BAAT: variants seen among roughly 807,000 people sequenced by gnomAD.
The protein encoded by BAAT is bile acid CoA: amino acid N-acyltransferase (glycine N-choloyltransferase).
In BAAT, 13 loss-of-function variants were observed where a neutral mutation model predicts 18.9. The ratio of observed to expected loss-of-function variants is 0.69; its 90% CI spans 0.45 to 1.10. The LOEUF (loss-of-function observed/expected upper bound fraction) is 1.10, where lower values mean the gene tolerates loss of function less well. Ranked by LOEUF, BAAT falls within the 50% of genes least tolerant of loss-of-function variation. The pLI, the probability that BAAT is intolerant of heterozygous loss-of-function variation, is 0.00. For synonymous variants in BAAT, 170 were observed against 190.7 expected (o/e 0.89, Z 0.89); for missense variants, 489 against 504.0 (o/e 0.97, Z 0.28).
At chr9:101,374,325 T>TA (rs1196092997) in intron 1 of BAAT, among the ~76,000 whole-genome samples, 2 of 152,170 alleles carry the variant, frequency 1.3e-5, no homozygotes, top group Non-Finnish European at 2.9e-5. Context: ...ATTAACTTTG[T>TA]AAATATGCAT....
At chr9:101,367,050 T>G in intron 3 of BAAT, among the ~76,000 whole-genome samples, 1 of 145,856 alleles carries the variant, frequency 6.9e-6, no homozygotes, top group East Asian at 2.0e-4. Context: ...AGGTGGAGGT[T>G]GCAGTGAGCT....
chr9:101,363,687 A>G (rs868393790), intron 3 of BAAT, among the ~76,000 whole-genome samples: 2 of 152,048 alleles, frequency 1.3e-5, no homozygotes, highest in African/African-American at 4.8e-5. Flanking sequence ...CATAAATTCT[A>G]TGATATGAGA....
chr9:101,368,169 T>G lies in BAAT; in HGVS notation c.620A>C (p.Asp207Ala), dbSNP rs768791988. ...EDLPRKPEVT[D>A]LEYFEEAANF... ...GGCAGCCTCCTCAAAATATTCCAAATCTGTTACTTCTGGTTTGCGGGGCAG... is the reference window on the plus strand; with the variant it reads ...GGCAGCCTCCTCAAAATATTCCAAAGCTGTTACTTCTGGTTTGCGGGGCAG... Residue 207 changes from aspartate to alanine, a missense_variant, in exon 3 of 4, where the codon GAT becomes GCT. By Grantham distance (126) the Asp-to-Ala change is moderately radical. Transcript: ENST00000259407. 1 of 1,614,174 alleles carries G rather than the reference T, an allele frequency of 6.2e-7. No individual in the cohort carries two copies. The highest frequency in any genetic ancestry group is 1.1e-5 in the South Asian group (1 of 91,088).
chr9:101,361,912 T>C lies in BAAT; in HGVS notation c.*516A>G, dbSNP rs1432348315. On this transcript the variant is annotated 3_prime_UTR_variant, in exon 4 of 4. Transcript: ENST00000259407. ...GCAATGAACTAACTGACCTCCTCCA[T>C]TCCTTCTTTCCTTTTTGACATGAAT... The C allele has an allele frequency of 5.9e-6, 1 of 169,550 alleles. No homozygotes were observed. Among genetic ancestry groups the C allele is most frequent in the East Asian group, 1.7e-4 (1 of 5,974 alleles). The allele number at this position is 169,550 out of a possible 1,614,324, so 10.5% of individuals were successfully genotyped here. A position where few individuals can be genotyped will look rare whatever the true frequency, so the allele number is the denominator to read the frequency against.
intron 1 of BAAT, among the ~76,000 whole-genome samples, chr9:101,373,310 G>T (rs1282988671): frequency 6.6e-6 from 1 of 152,108 alleles, no homozygotes; most frequent in East Asian, 1.9e-4. Flanking sequence ...CATGTCTTTT[G>T]CAGGAACAGG....
At chr9:101,369,434 ATGAAATATT>A (rs1191676559) in intron 2 of BAAT, among the ~76,000 whole-genome samples, 1 of 152,232 alleles carries the variant, frequency 6.6e-6, no homozygotes, top group African/African-American at 2.4e-5. Context: ...TGTTACAGTC[ATGAAATATT>A]TGTGATCTGA....
intron 2 of BAAT, among the ~76,000 whole-genome samples, chr9:101,370,239 A>C (rs1476598830): frequency 6.6e-6 from 1 of 151,780 alleles, no homozygotes; most frequent in African/African-American, 2.4e-5. Flanking sequence ...GTCAGATCAT[A>C]GAAAGTTTTG....
Position 101,362,601 on chromosome 9 carries a change from G to A in BAAT, c.1084C>T (p.His362Tyr). The A allele has an allele frequency of 6.2e-7, 1 of 1,614,130 alleles. No homozygotes were observed. The highest frequency in any genetic ancestry group is 8.5e-7 in the Non-Finnish European group (1 of 1,180,028). Residue 362 changes from histidine (H) to tyrosine (Y), a missense_variant, in exon 4 of 4, where the codon CAC becomes TAC. Physicochemically the swap from His to Tyr is moderately conservative, Grantham distance 83. Coordinates refer to ENST00000259407, the MANE Select transcript of BAAT (RefSeq NM_001701.4). ...WTLLSYPGAGHLIEPPYSPLC... is the reference protein window; with the variant it reads ...WTLLSYPGAGYLIEPPYSPLC... Reference sequence around the variant, plus strand: ...GGAGAATAGGGAGGTTCTATCAGGTGGCCTGCCCCAGGGTAAGATAGCAGG... The same window carrying A: ...GGAGAATAGGGAGGTTCTATCAGGTAGCCTGCCCCAGGGTAAGATAGCAGG...
chr9:101,384,971 G>A lies in BAAT; in HGVS notation c.-176C>T, dbSNP rs556581115. Among the ~76,000 whole-genome samples the A allele has an allele frequency of 2.6e-5, 4 of 152,210 alleles. No individual in the cohort carries two copies. Among genetic ancestry groups the A allele is most frequent in the East Asian group, 1.9e-4 (1 of 5,160 alleles). On this transcript the variant is annotated 5_prime_UTR_variant, in exon 1 of 4. Transcript: ENST00000259407. ...GAGAGGAATTTACAGCTGGGCCTCC[G>A]GGGGTGATGTCACATATCAGCAGGA... is the stretch of plus-strand genomic sequence containing the variant.
chr9:101,378,750 G>C (rs1830086484), intron 1 of BAAT, among the ~76,000 whole-genome samples: 1 of 152,126 alleles, frequency 6.6e-6, no homozygotes, highest in Non-Finnish European at 1.5e-5. Flanking sequence ...AAACTAAAGA[G>C]CTTCTGTTCA....
chr9:101,362,024 T>C lies in BAAT; in HGVS notation c.*404A>G. 5.3e-6 allele frequency: 1 copy of C among 188,758 alleles called. No individual in the cohort carries two copies. The highest frequency in any genetic ancestry group is 1.1e-5 in the Non-Finnish European group (1 of 90,194). The allele number at this position is 188,758 out of a possible 1,614,324, so 11.7% of individuals were successfully genotyped here. A position where few individuals can be genotyped will look rare whatever the true frequency, so the allele number is the denominator to read the frequency against. ...CACTAAAATGATTATAATTTAGTAT[T>C]AATTTTCTCCTGCTGCTCTAATCTG... On this transcript the variant is annotated 3_prime_UTR_variant, in exon 4 of 4. Transcript: ENST00000259407.
At chr9:101,364,014 AT>A (rs1228009073) in intron 3 of BAAT, among the ~76,000 whole-genome samples, 1 of 152,158 alleles carries the variant, frequency 6.6e-6, no homozygotes, top group East Asian at 1.9e-4. Flanking sequence ...GTCTCAAGAA[AT>A]AAAAATTACA....
intron 1 of BAAT, among the ~76,000 whole-genome samples, chr9:101,377,319 C>A (rs554921535): frequency 1.3e-5 from 2 of 152,114 alleles, no homozygotes; most frequent in Non-Finnish European, 2.9e-5. Context: ...AATCAGAAGG[C>A]AAAAATTACA....
At chr9:101,374,425 G>T (rs1458498365) in intron 1 of BAAT, among the ~76,000 whole-genome samples, 1 of 152,100 alleles carries the variant, frequency 6.6e-6, no homozygotes, top group Non-Finnish European at 1.5e-5. Context: ...TAATTCTGGG[G>T]TATTAGCCTA....
chr9:101,370,453 T>C (rs1232413458), intron 2 of BAAT, among the ~76,000 whole-genome samples: 4 of 150,496 alleles, frequency 2.7e-5, no homozygotes, highest in Non-Finnish European at 4.4e-5. Context: ...TAGCTGGGAC[T>C]ACAGGTGCCT....
At chr9:101,367,116 GAAAAAAA>G (rs66591298) in intron 3 of BAAT, among the ~76,000 whole-genome samples, 4 of 99,676 alleles carry the variant, frequency 4.0e-5, no homozygotes, top group African/African-American at 8.2e-5. Flanking sequence ...GTCAAAAAAA[GAAAAAAA>G]AAAAAAAAAA....
In BAAT at chr9:101,364,925, T is replaced by C. The variant is rs564562974; in HGVS notation, c.670-1910A>G. 9.8e-5 allele frequency among the ~76,000 whole-genome samples: 15 copies of C among 152,340 alleles called. No homozygotes were observed. The East Asian group carries it at 2.7e-3, about 27-fold the overall frequency. ...CTTAAGCAAGCGAGTAAAATAGTTG[T>C]GTTTACAACTCTGACTTGCATAAAT... On this transcript the variant is annotated intron_variant, in intron 3 of 3. Coordinates refer to ENST00000259407, the MANE Select transcript of BAAT (RefSeq NM_001701.4).
At position 101,367,543 on chromosome 9, in the gene BAAT, G is replaced by A. The variant is rs190181783; in HGVS notation, c.669+577C>T. ...TTTGTCACCCAGGCTGGAGTACAGT[G>A]GCAGGAACATGGCTCACCGCAGTCT... On this transcript the variant is annotated intron_variant, in intron 3 of 3. Transcript: ENST00000259407. 2.7e-5 allele frequency among the ~76,000 whole-genome samples: 4 copies of A among 150,544 alleles called. No individual in the cohort carries two copies. The East Asian group carries it at 5.9e-4, about 22-fold the overall frequency.
Position 101,368,231 on chromosome 9 carries a change from G to A in BAAT, c.558C>T (p.Phe186=), listed in dbSNP as rs760452448. The change falls in exon 3 of 4, where the codon TTC becomes TTT. Residue 186 remains phenylalanine (F), a synonymous_variant. Coordinates refer to ENST00000259407, the MANE Select transcript of BAAT (RefSeq NM_001701.4). ...TATGGTAAGCCAAGGCCAAGGAGGC[G>A]AAGCCACGACTGGCTAGGAGGCTGG... ...FRASLLASRG[F]ASLALAYHNY... is the part of the protein sequence containing the mutation. The A allele has an allele frequency of 5.6e-6, 9 of 1,610,514 alleles. No individual in the cohort carries two copies. Among genetic ancestry groups the A allele is most frequent in the South Asian group, 2.2e-5 (2 of 91,008 alleles).
Sources: gnomAD v4.1 joint callset for allele counts (sites outside exome capture counted in the v4.1 genomes callset) on GRCh38, gnomAD v4.1.1 for gene constraint, MANE v1.5 for transcripts, NCBI Gene and HGNC (gene_info 2026-07-23, HGNC 2026-07-21) for gene names.